The following TSPAN5 variants were observed in gnomAD, a reference collection of about 807,000 sequenced individuals.
TSPAN5 encodes tetraspanin 5.
TSPAN5 carries 10 observed loss-of-function variants against 37.1 expected under a neutral mutation model. The observed-to-expected ratio is 0.27, with a 90% CI of 0.17 to 0.46. The LOEUF (loss-of-function observed/expected upper bound fraction) is 0.46. TSPAN5 is among the 20% of genes least tolerant of loss of function. TSPAN5 has a pLI of 1.00. For missense variants in TSPAN5, 195 were observed against 326.6 expected (o/e 0.60, Z 3.11); for synonymous variants, 110 against 118.9 (o/e 0.93, Z 0.48).
intron 1 of TSPAN5, among the ~76,000 whole-genome samples, chr4:98,568,107 T>C (rs573607217): frequency 4.6e-5 from 7 of 152,290 alleles, no homozygotes; most frequent in Admixed American, 2.6e-4. Context: ...TGAACACTTG[T>C]CACTGTATTT....
At chr4:98,585,617 C>T (rs1250955101) in intron 1 of TSPAN5, among the ~76,000 whole-genome samples, 4 of 152,164 alleles carry the variant, frequency 2.6e-5, no homozygotes, top group Non-Finnish European at 5.9e-5. Flanking sequence ...GCCTATTATT[C>T]CACTCTCTAT....
intron 1 of TSPAN5, among the ~76,000 whole-genome samples, chr4:98,512,296 A>C (rs539441928): frequency 5.3e-4 from 81 of 152,360 alleles, no homozygotes; most frequent in African/African-American, 1.9e-3. Context: ...AGAAAATCTG[A>C]ATCCTTAGCC....
At chr4:98,639,386 T>G (rs1756919326) in intron 1 of TSPAN5, among the ~76,000 whole-genome samples, 1 of 152,144 alleles carries the variant, frequency 6.6e-6, no homozygotes, top group African/African-American at 2.4e-5. Context: ...GGCAAAATCA[T>G]AACTTACTGC....
intron 1 of TSPAN5, among the ~76,000 whole-genome samples, chr4:98,567,037 T>C (rs919594334): frequency 1.3e-5 from 2 of 152,236 alleles, no homozygotes; most frequent in Non-Finnish European, 1.5e-5. Context: ...GCTACAAAGC[T>C]GCCCCCCAGG....
intron 1 of TSPAN5, among the ~76,000 whole-genome samples, chr4:98,602,246 CA>C (rs1237702487): frequency 6.6e-6 from 1 of 152,046 alleles, no homozygotes; most frequent in South Asian, 2.1e-4. Flanking sequence ...TGTTAGGAAG[CA>C]AAAACCCAAA....
intron 2 of TSPAN5, among the ~76,000 whole-genome samples, chr4:98,501,654 G>C (rs1753352275): frequency 6.6e-6 from 1 of 152,176 alleles, no homozygotes; most frequent in African/African-American, 2.4e-5. Flanking sequence ...AAGGCCCTGG[G>C]GTTGTGGGGG....
At chr4:98,520,993 G>A (rs757082750) in intron 1 of TSPAN5, among the ~76,000 whole-genome samples, 4 of 152,176 alleles carry the variant, frequency 2.6e-5, no homozygotes, top group African/African-American at 4.8e-5. Context: ...GTGCAGTGGC[G>A]CAATCTCGGC....
At chr4:98,643,977 T>C (rs1191557009) in intron 1 of TSPAN5, among the ~76,000 whole-genome samples, 1 of 152,212 alleles carries the variant, frequency 6.6e-6, no homozygotes, top group Non-Finnish European at 1.5e-5. Flanking sequence ...GCCCGTCTTC[T>C]GCCTCCATAA....
In TSPAN5 at chr4:98,566,236, C is replaced by A. The variant is rs933315284; in HGVS notation, c.82-58508G>T. ...CAAGTGACATTGAACAGAGCCCAAG[C>A]AGAACAAGAATTATGTGTGCTGATT... On this transcript the variant is annotated intron_variant, in intron 1 of 7. Coordinates refer to ENST00000305798, the MANE Select transcript of TSPAN5 (RefSeq NM_005723.4). Among the ~76,000 whole-genome samples the A allele has an allele frequency of 6.0e-5, 9 of 150,296 alleles. No individual in the cohort carries two copies. The South Asian group carries it at 8.4e-4, about 14-fold the overall frequency.
intron 1 of TSPAN5, among the ~76,000 whole-genome samples, chr4:98,557,951 A>G (rs1389531866): frequency 6.6e-6 from 1 of 152,222 alleles, no homozygotes; most frequent in Non-Finnish European, 1.5e-5. Context: ...GTCACAGCCA[A>G]GAGGTGCCTA....
At chr4:98,596,528 G>A (rs1755756943) in intron 1 of TSPAN5, among the ~76,000 whole-genome samples, 1 of 69,230 alleles carries the variant, frequency 1.4e-5, no homozygotes, top group Non-Finnish European at 2.5e-5. Context: ...TTTCTTCCTA[G>A]TCTCGATGGT....
At chr4:98,596,591 T>A (rs1344769175) in intron 1 of TSPAN5, among the ~76,000 whole-genome samples, 2 of 86,434 alleles carry the variant, frequency 2.3e-5, no homozygotes, top group Non-Finnish European at 4.1e-5. Context: ...TTCCTTTCCA[T>A]GTTTAGTGCT....
intron 5 of TSPAN5, 65 bp downstream of exon 5, chr4:98,478,620 T>C (rs569596921): frequency 6.2e-7 from 1 of 1,603,808 alleles, no homozygotes; most frequent in African/African-American, 1.3e-5. Flanking sequence ...ATCACTCTGC[T>C]CGTCCCATGC....
intron 1 of TSPAN5, among the ~76,000 whole-genome samples, chr4:98,536,055 C>G (rs1053840910): frequency 2.0e-5 from 3 of 152,166 alleles, no homozygotes; most frequent in African/African-American, 4.8e-5. Flanking sequence ...CATTCTCCAT[C>G]CAGTTTTGTT....
chr4:98,521,257 G>T (rs192463736), intron 1 of TSPAN5, among the ~76,000 whole-genome samples: 1 of 152,232 alleles, frequency 6.6e-6, no homozygotes, highest in Non-Finnish European at 1.5e-5. Context: ...TGAGTCCTTC[G>T]TTACTATCTT....
chr4:98,476,543 C>T lies in TSPAN5; in HGVS notation c.577-83G>A, dbSNP rs556137397. 2.0e-4 allele frequency: 253 copies of T among 1,283,328 alleles called. 1 individual carries two copies. The Admixed American group carries it at 3.7e-3, about 19-fold the overall frequency. The allele number at this position is 1,283,328 out of a possible 1,614,324, so 79.5% of individuals were successfully genotyped here. ...AGAAATGAGCAGAAGACTTCTGTTA[C>T]GCATTAGTAATAAAATGTGTATCTG... On this transcript the variant is annotated intron_variant, in intron 5 of 7. Transcript: ENST00000305798.
chr4:98,480,033 T>G (rs995707509), intron 4 of TSPAN5, among the ~76,000 whole-genome samples: 2 of 152,164 alleles, frequency 1.3e-5, no homozygotes, highest in African/African-American at 2.4e-5. Flanking sequence ...TGGCACTGCG[T>G]GACCAGAAGG....
intron 1 of TSPAN5, among the ~76,000 whole-genome samples, chr4:98,615,749 C>G (rs1038422228): frequency 6.6e-6 from 1 of 152,128 alleles, no homozygotes; most frequent in African/African-American, 2.4e-5. Context: ...TGTATACACA[C>G]ACACATATTG....
Position 98,478,616 on chromosome 4 carries a change from C to T in TSPAN5, c.576+69G>A. The T allele has an allele frequency of 2.5e-6, 4 of 1,601,432 alleles. No homozygotes were observed. In the South Asian group the frequency reaches 4.4e-5, roughly 18 times the overall value. ...AAGAGGGTTCAACCAAAAAATCACT[C>T]TGCTCGTCCCATGCACACTCTCGGC... is the stretch of plus-strand genomic sequence containing the variant. On this transcript the variant is annotated intron_variant, in intron 5 of 7. Transcript: ENST00000305798.
Sources: gnomAD v4.1 joint callset for allele counts (sites outside exome capture counted in the v4.1 genomes callset) on GRCh38, gnomAD v4.1.1 for gene constraint, MANE v1.5 for transcripts, NCBI Gene and HGNC (gene_info 2026-07-23, HGNC 2026-07-21) for gene names.